JAK1: variants seen among roughly 807,000 people sequenced by gnomAD.
The protein encoded by JAK1 is Janus kinase 1, also known as tyrosine-protein kinase JAK1.
A neutral mutation model predicts 136.6 loss-of-function variants in JAK1; 16 were observed. The observed-to-expected ratio is 0.12, with a 90% CI of 0.08 to 0.18. JAK1 has a LOEUF of 0.18. Ranked by LOEUF, JAK1 falls within the 10% of genes least tolerant of loss-of-function variation. The probability of loss-of-function intolerance (pLI) is 1.00; values close to 1 mark genes in which losing one functional copy is unlikely to be tolerated. For synonymous variants in JAK1, 492 were observed against 519.5 expected, an observed-to-expected ratio of 0.95 and a Z score of 0.72; for missense variants, 859 against 1,450.1, an observed-to-expected ratio of 0.59 and a Z score of 6.62.
intron 1 of JAK1, among the ~76,000 whole-genome samples, chr1:65,062,592 C>T (rs1051076351): frequency 7.9e-5 from 12 of 152,286 alleles, no homozygotes; most frequent in Admixed American, 5.9e-4. Context: ...CCACCCTTCT[C>T]GAAGCTTCTA....
chr1:64,932,321 G>A (rs1217513204), intron 1 of JAK1, among the ~76,000 whole-genome samples: 1 of 152,144 alleles, frequency 6.6e-6, no homozygotes. Context: ...GCTGAGGCAG[G>A]AGAATCGCTT....
chr1:65,009,595 T>C (rs879611245), intron 2 of JAK1, among the ~76,000 whole-genome samples: 1 of 152,238 alleles, frequency 6.6e-6, no homozygotes, highest in Non-Finnish European at 1.5e-5. Context: ...ATTAGAATAA[T>C]AATACTGCCA....
rs548872770 is a variant in JAK1 at position 64,844,785 on chromosome 1, G to A, written c.2220C>T (p.Pro740=). The change falls in exon 16 of 25, where the codon CCC becomes CCT. Residue 740 remains proline (P), a synonymous_variant. Transcript: ENST00000342505. This position sits in a 1 kb window ranked among gnomAD's most constrained non-coding sequence, Gnocchi z 5.7. ...TAGACAGCACCGTAATGGGGATGCC[G>A]GGGTCACTGAGCTTGATGAATGGGC... ...ECGPFIKLSD[P]GIPITVLSRQ... 7 of 1,614,212 alleles carry A rather than the reference G, an allele frequency of 4.3e-6. No homozygotes were observed. The East Asian group carries it at 6.7e-5, about 15-fold the overall frequency.
At position 64,864,902 on chromosome 1, in the gene JAK1, T is replaced by A. The variant is rs559606416; in HGVS notation, c.1061A>T (p.Glu354Val). ...CTCTTCCCGGATCTTGTTTTTCTCCTCATCCTTCTTGTGTTTATTTTCCAG... is the reference window on the plus strand; with the variant it reads ...CTCTTCCCGGATCTTGTTTTTCTCCACATCCTTCTTGTGTTTATTTTCCAG... ...KKLENKHKKD[E>V]EKNKIREEWN... The change falls in exon 8 of 25, where the codon GAG (glutamate) becomes GTG (valine). Residue 354 changes from glutamate (E) to valine (V), a missense_variant. Coordinates refer to ENST00000342505, the MANE Select transcript of JAK1 (RefSeq NM_002227.4). 24 of 1,613,968 alleles carry A rather than the reference T, an allele frequency of 1.5e-5. No individual in the cohort carries two copies. Among genetic ancestry groups the A allele is most frequent in the Non-Finnish European group, 1.4e-5 (17 of 1,179,928 alleles).
At chr1:64,914,014 G>A (rs1645348621) in intron 1 of JAK1, among the ~76,000 whole-genome samples, 1 of 152,162 alleles carries the variant, frequency 6.6e-6, no homozygotes, top group Admixed American at 6.5e-5. Context: ...GTGGACAGAG[G>A]CAGGCGTGGT....
rs554367803 is a variant in JAK1 at position 64,900,713 on chromosome 1, A to C, written c.-77-14372T>G. Reference sequence around the variant, plus strand: ...TATTCCAAGTCTCTACAATGCAGCCAGTCTTATTTCTAGACTGCTAATCTG... The same window carrying C: ...TATTCCAAGTCTCTACAATGCAGCCCGTCTTATTTCTAGACTGCTAATCTG... On this transcript the variant is annotated intron_variant, in intron 1 of 24. Transcript: ENST00000342505. Among the ~76,000 whole-genome samples, 110 of 152,336 alleles carry C rather than the reference A, an allele frequency of 7.2e-4. 1 individual carries two copies. Among genetic ancestry groups the C allele is most frequent in the African/African-American group, 2.6e-3 (108 of 41,580 alleles).
chr1:64,833,606 G>A lies in JAK1; in HGVS notation c.*956C>T, dbSNP rs1408870022. On this transcript the variant is annotated 3_prime_UTR_variant, in exon 25 of 25. Coordinates refer to ENST00000342505, the MANE Select transcript of JAK1 (RefSeq NM_002227.4). ...GTTGCACCACAGGGTGATGATTGATGGTAAAAACAGGGATCAACCCTTGTA... is the reference window on the plus strand; with the variant it reads ...GTTGCACCACAGGGTGATGATTGATAGTAAAAACAGGGATCAACCCTTGTA... The A allele has an allele frequency of 4.3e-6, 1 of 232,808 alleles. No homozygotes were observed. The highest frequency in any genetic ancestry group is 6.0e-5 in the East Asian group (1 of 16,584). 14.4% of individuals were successfully genotyped at this position (232,808 alleles called of 1,614,324 possible). A position where few individuals can be genotyped will look rare whatever the true frequency, so the allele number is the denominator to read the frequency against.
intron 1 of JAK1, among the ~76,000 whole-genome samples, chr1:64,951,064 A>T (rs1490866103): frequency 6.6e-6 from 1 of 152,234 alleles, no homozygotes; most frequent in Non-Finnish European, 1.5e-5. Context: ...ATAAACTCAG[A>T]ACCAAATATT....
intron 2 of JAK1, among the ~76,000 whole-genome samples, chr1:65,033,482 T>C (rs1296573659): frequency 6.6e-6 from 1 of 152,130 alleles, no homozygotes; most frequent in African/African-American, 2.4e-5. Flanking sequence ...CCACCACACC[T>C]GGCCTCAACT....
intron 1 of JAK1, among the ~76,000 whole-genome samples, chr1:64,927,155 G>A (rs1022091792): frequency 1.3e-5 from 2 of 152,104 alleles, no homozygotes; most frequent in Admixed American, 6.5e-5. Context: ...TCTGATGGGC[G>A]TACCCTGACG....
At chr1:65,018,124 T>C (rs1646905466) in intron 2 of JAK1, among the ~76,000 whole-genome samples, 1 of 152,182 alleles carries the variant, frequency 6.6e-6, no homozygotes, top group South Asian at 2.1e-4. Context: ...AACTGTGCCT[T>C]TTTAAAATGT....
intron 1 of JAK1, among the ~76,000 whole-genome samples, chr1:64,910,550 A>G (rs1645265945): frequency 6.6e-6 from 1 of 152,104 alleles, no homozygotes; most frequent in South Asian, 2.1e-4. Flanking sequence ...ATATCAACAT[A>G]TGGCCAGGTG....
At chr1:64,952,106 C>T (rs1045078571) in intron 1 of JAK1, among the ~76,000 whole-genome samples, 3 of 152,184 alleles carry the variant, frequency 2.0e-5, no homozygotes, top group Non-Finnish European at 2.9e-5. Context: ...AAACGCTATA[C>T]ATTTGCCCTG....
intron 1 of JAK1, among the ~76,000 whole-genome samples, chr1:64,965,879 T>C (rs1646364973): frequency 6.6e-6 from 1 of 152,082 alleles, no homozygotes; most frequent in Non-Finnish European, 1.5e-5. Context: ...GCCTCCTTCC[T>C]GGGGCCGAAG....
intron 1 of JAK1, chr1:64,918,665 A>G: frequency 5.2e-6 from 1 of 190,908 alleles, no homozygotes; most frequent in South Asian, 9.6e-5. Context: ...TAAACTGAAG[A>G]AAGATGGTCC....
intron 2 of JAK1, among the ~76,000 whole-genome samples, chr1:65,032,901 C>T (rs559703020): frequency 6.6e-6 from 1 of 152,268 alleles, no homozygotes; most frequent in East Asian, 1.9e-4. Context: ...TTCTTGGAAA[C>T]AAAAAACCTT....
At chr1:64,947,671 A>G (rs1172856032) in intron 1 of JAK1, among the ~76,000 whole-genome samples, 1 of 152,028 alleles carries the variant, frequency 6.6e-6, no homozygotes, top group Non-Finnish European at 1.5e-5. Flanking sequence ...CCCAACAGAA[A>G]AGCAGTTTCA....
At chr1:65,053,254 G>A (rs1033133126) in intron 1 of JAK1, among the ~76,000 whole-genome samples, 2 of 151,960 alleles carry the variant, frequency 1.3e-5, no homozygotes, top group Admixed American at 6.5e-5. Flanking sequence ...GGCTGAGGCA[G>A]GAAAATCGCT....
intron 1 of JAK1, among the ~76,000 whole-genome samples, chr1:64,955,942 C>T (rs191806631): frequency 1.3e-5 from 2 of 152,328 alleles, no homozygotes; most frequent in African/African-American, 4.8e-5. Flanking sequence ...CCAAATCTGG[C>T]CTGCCGCTGC....
Sources: allele counts gnomAD v4.1 joint callset (sites outside exome capture counted in the v4.1 genomes callset), GRCh38; gene constraint gnomAD v4.1.1; non-coding constraint Gnocchi (gnomAD v3.1); transcripts MANE v1.5; gene names NCBI Gene and HGNC (gene_info 2026-07-23, HGNC 2026-07-21).